The following KIF16B variants were observed in gnomAD, a reference collection of about 807,000 sequenced individuals.
KIF16B encodes the protein kinesin family member 16B, also known as kinesin-like protein KIF16B.
A neutral mutation model predicts 156.3 loss-of-function variants in KIF16B; 98 were observed. That is an observed-to-expected ratio of 0.63 (90% CI 0.53 to 0.74). KIF16B has a LOEUF of 0.74. KIF16B is among the 30% of genes least tolerant of loss of function. The probability of loss-of-function intolerance (pLI) is 0.00; values close to 1 mark genes in which losing one functional copy is unlikely to be tolerated. For synonymous variants in KIF16B, 564 were observed against 583.7 expected, an observed-to-expected ratio of 0.97 and a Z score of 0.49; for missense variants, 1,421 against 1,606.5, an observed-to-expected ratio of 0.88 and a Z score of 1.97.
At chr20:16,375,496 C>G (rs374679450) in intron 19 of KIF16B, among the ~76,000 whole-genome samples, 6 of 152,044 alleles carry the variant, frequency 3.9e-5, no homozygotes, top group Non-Finnish European at 7.4e-5. Flanking sequence ...GGGACCCACA[C>G]GAGGCTGTGC....
At chr20:16,342,884 T>C (rs1378287229) in intron 23 of KIF16B, among the ~76,000 whole-genome samples, 1 of 152,132 alleles carries the variant, frequency 6.6e-6, no homozygotes, top group Non-Finnish European at 1.5e-5. Context: ...TCCTTTCCCT[T>C]GAATGGAAAG....
chr20:16,533,464 C>T (rs1332548945), intron 1 of KIF16B, among the ~76,000 whole-genome samples: 1 of 152,196 alleles, frequency 6.6e-6, no homozygotes, highest in Non-Finnish European at 1.5e-5. Context: ...CTTAATATGA[C>T]ATAGTAATAG....
At chr20:16,472,464 A>C (rs6043985) in intron 12 of KIF16B, among the ~76,000 whole-genome samples, 33,442 of 151,294 alleles carry the variant, frequency 0.22, 3,773 homozygotes, top group Admixed American at 0.26. Flanking sequence ...CTGCCAAGCT[A>C]CACTGGGTAG....
intron 24 of KIF16B, 35 bp from the exon 25 acceptor site, chr20:16,312,453 G>T: frequency 7.2e-7 from 1 of 1,384,246 alleles, no homozygotes; most frequent in Non-Finnish European, 1.0e-6. Flanking sequence ...TGCATTAATA[G>T]CATACCTGTT....
intron 1 of KIF16B, among the ~76,000 whole-genome samples, chr20:16,534,366 T>C (rs1033377001): frequency 1.3e-5 from 2 of 152,196 alleles, no homozygotes; most frequent in African/African-American, 2.4e-5. Context: ...AAAACACTTA[T>C]AGAAAAGCCA....
chr20:16,561,135 CA>C (rs923717640), intron 1 of KIF16B, among the ~76,000 whole-genome samples: 152 of 150,932 alleles, frequency 1.0e-3, no homozygotes, highest in Admixed American at 3.0e-3. Flanking sequence ...ACTAAAACTG[CA>C]AAAAAAAATT....
intron 24 of KIF16B, among the ~76,000 whole-genome samples, chr20:16,318,557 C>G (rs1407281836): frequency 1.3e-5 from 2 of 152,010 alleles, no homozygotes; most frequent in African/African-American, 4.8e-5. Context: ...CGCGGTGTCT[C>G]AAAGGAACAC....
rs748815295 is a variant in KIF16B at position 16,404,824 on chromosome 20, C to G, written c.1773G>C (p.Leu591Phe). The change falls in exon 17 of 26, where the codon TTG becomes TTC. Residue 591 changes from leucine (L) to phenylalanine (F), a missense_variant. By Grantham distance (22) the Leu-to-Phe change is conservative. Transcript: ENST00000354981. ...KSRENLSAVM[L>F]YNPGLEFERQ... ...TGCTGTTCACTCACCCGGGGTTATA[C>G]AACATGACTGCAGACAGGTTCTCAC... is the stretch of plus-strand genomic sequence containing the variant. The G allele has an allele frequency of 6.2e-7, 1 of 1,612,802 alleles. No homozygotes were observed. The highest frequency in any genetic ancestry group is 1.3e-5 in the African/African-American group (1 of 74,966).
At chr20:16,414,968 T>G (rs905446473) in intron 15 of KIF16B, among the ~76,000 whole-genome samples, 4 of 152,134 alleles carry the variant, frequency 2.6e-5, no homozygotes, top group African/African-American at 9.6e-5. Context: ...GTTCTGAGCA[T>G]ATTTAAGGTA....
chr20:16,440,247 C>G (rs114407694), intron 12 of KIF16B, among the ~76,000 whole-genome samples: 1 of 152,100 alleles, frequency 6.6e-6, no homozygotes, highest in African/African-American at 2.4e-5. Flanking sequence ...TTATCAGTCC[C>G]GTTTTTAATG....
intron 14 of KIF16B, 28 bp from the exon 15 acceptor site, chr20:16,427,269 A>G: frequency 1.3e-6 from 2 of 1,591,384 alleles, no homozygotes; most frequent in Non-Finnish European, 1.7e-6. Context: ...AGTAGAAAGA[A>G]TTTTTCCCCC....
intron 22 of KIF16B, among the ~76,000 whole-genome samples, chr20:16,361,690 G>A (rs1342889676): frequency 6.6e-6 from 1 of 152,188 alleles, no homozygotes; most frequent in Non-Finnish European, 1.5e-5. Context: ...ATATCCTGAG[G>A]GATAAGTTAC....
rs539827292 is a variant in KIF16B at position 16,324,388 on chromosome 20, CAA to C, written c.3711+11536_3711+11537del. ...GTCCTAAATCTTGGTGTGACCTTAA[CAA>C]AACTCTCCATAGGTATTTGATTCCT... is the stretch of plus-strand genomic sequence containing the variant. On this transcript the variant is annotated intron_variant, in intron 24 of 25. Coordinates refer to ENST00000354981, the MANE Select transcript of KIF16B (RefSeq NM_024704.5). Among the ~76,000 whole-genome samples, 6 of 152,046 alleles carry C rather than the reference CAA, an allele frequency of 3.9e-5. No homozygotes were observed. In the East Asian group the frequency reaches 1.2e-3, roughly 29 times the overall value.
At position 16,404,909 on chromosome 20, in the gene KIF16B, C is replaced by A. The variant is rs755659455; in HGVS notation, c.1696-8G>T. The A allele has an allele frequency of 6.2e-7, 1 of 1,608,394 alleles. No homozygotes were observed. Among genetic ancestry groups the A allele is most frequent in the Non-Finnish European group, 8.5e-7 (1 of 1,175,438 alleles). ...GGAGGACAGAAGGCCACTCTAAGGG[C>A]AGACACAGGGCAGAGTGGTTACCTT... On this transcript the variant is annotated splice_region_variant and splice_polypyrimidine_tract_variant and intron_variant, in intron 16 of 25. Transcript: ENST00000354981.
chr20:16,557,881 G>A (rs533477822), intron 1 of KIF16B, among the ~76,000 whole-genome samples: 10 of 152,232 alleles, frequency 6.6e-5, no homozygotes, highest in South Asian at 2.1e-4. Flanking sequence ...CTTGGTACAC[G>A]CCAAGCACAA....
chr20:16,564,679 G>C (rs906742577), intron 1 of KIF16B, among the ~76,000 whole-genome samples: 1 of 150,108 alleles, frequency 6.7e-6, no homozygotes, highest in Non-Finnish European at 1.5e-5. Flanking sequence ...AAAAAAAACT[G>C]AAAGAAAAAA....
In KIF16B at chr20:16,379,709, G is replaced by A. The variant is rs1272416355; in HGVS notation, c.2293C>T (p.Leu765=). ...EKEQVMLVAH[L]EEQLREKQEM... is the part of the protein sequence containing the mutation. ...TGCTTCTCTCGGAGCTGCTCTTCCA[G>A]ATGGGCCACGAGCATGACCTGCTCC... The change falls in exon 19 of 26, where the codon CTG becomes TTG. Residue 765 remains leucine (L), a synonymous_variant. Coordinates refer to ENST00000354981, the MANE Select transcript of KIF16B (RefSeq NM_024704.5). The A allele has an allele frequency of 6.2e-7, 1 of 1,614,116 alleles. No individual in the cohort carries two copies. The highest frequency in any genetic ancestry group is 1.1e-5 in the South Asian group (1 of 91,080).
At chr20:16,559,720 G>C (rs978134099) in intron 1 of KIF16B, among the ~76,000 whole-genome samples, 3 of 152,158 alleles carry the variant, frequency 2.0e-5, no homozygotes, top group African/African-American at 7.2e-5. Flanking sequence ...TGAGGCTACA[G>C]TGAGCTGTGA....
chr20:16,503,712 C>A (rs892699953), intron 10 of KIF16B, among the ~76,000 whole-genome samples: 3 of 152,178 alleles, frequency 2.0e-5, no homozygotes, highest in African/African-American at 7.2e-5. Context: ...TCAAAGCCTA[C>A]CAGAACTTTA....
Sources: allele counts gnomAD v4.1 joint callset (sites outside exome capture counted in the v4.1 genomes callset), GRCh38; gene constraint gnomAD v4.1.1; transcripts MANE v1.5; gene names NCBI Gene and HGNC (gene_info 2026-07-23, HGNC 2026-07-21).